The following KLF8 variants were observed in gnomAD, a reference collection of about 807,000 sequenced individuals.
The protein encoded by KLF8 is KLF transcription factor 8, also known as Krueppel-like factor 8.
In KLF8, 10 loss-of-function variants were observed where a neutral mutation model predicts 18.2. That is an observed-to-expected ratio of 0.55 (90% confidence interval 0.34 to 0.93). The LOEUF (loss-of-function observed/expected upper bound fraction) is 0.93, where lower values mean the gene tolerates loss of function less well. KLF8 is among the 40% of genes least tolerant of loss of function. KLF8 has a pLI of 0.02. For missense variants in KLF8, 264 were observed against 277.9 expected (o/e 0.95, Z 0.36); for synonymous variants, 109 against 97.3 (o/e 1.12, Z -0.71).
At chrX:55,987,329 T>C in the KLF8 span, among the ~76,000 whole-genome samples, 1 of 110,696 alleles carries the variant, frequency 9.0e-6, no homozygotes, top group Non-Finnish European at 1.9e-5. Flanking sequence ...TAGGTATATC[T>C]CCTAATGCTA....
At chrX:56,160,835 C>T in the KLF8 span, among the ~76,000 whole-genome samples, 3 of 111,321 alleles carry the variant, frequency 2.7e-5, no homozygotes, top group Non-Finnish European at 3.8e-5. Context: ...GGTCTTGACT[C>T]TTTATCCAAT....
chrX:56,239,102 C>T (rs1263910920), intron 1 of KLF8, among the ~76,000 whole-genome samples: 2 of 112,457 alleles, frequency 1.8e-5, no homozygotes, highest in Non-Finnish European at 3.8e-5. Flanking sequence ...ATCTCCTCCT[C>T]TCCCAATTAT....
the KLF8 span, among the ~76,000 whole-genome samples, chrX:55,978,534 T>G: frequency 2.0e-4 from 22 of 111,941 alleles, no homozygotes; most frequent in Admixed American, 2.1e-3. Context: ...AATTCACCCA[T>G]TTTAAGTTTG....
At chrX:56,211,637 G>A in the KLF8 span, among the ~76,000 whole-genome samples, 1 of 112,202 alleles carries the variant, frequency 8.9e-6, no homozygotes, top group Admixed American at 9.4e-5. Context: ...CCCAGGCCCC[G>A]GGTTGATCCA....
chrX:56,226,331 C>T, the KLF8 span, among the ~76,000 whole-genome samples: 1 of 112,064 alleles, frequency 8.9e-6, no homozygotes, highest in Admixed American at 9.4e-5. Flanking sequence ...CTGAGTACTA[C>T]CTATATCATT....
the KLF8 span, among the ~76,000 whole-genome samples, chrX:55,947,248 C>A: frequency 9.0e-6 from 1 of 110,547 alleles, no homozygotes; most frequent in East Asian, 2.8e-4. Flanking sequence ...AAATGTCCAA[C>A]AATGATAGAC....
At chrX:55,986,660 C>T in the KLF8 span, among the ~76,000 whole-genome samples, 1 of 112,002 alleles carries the variant, frequency 8.9e-6, no homozygotes, top group African/African-American at 3.2e-5. Flanking sequence ...AATGTTTTTT[C>T]ACGTTATTTG....
chrX:56,191,736 T>C, the KLF8 span, among the ~76,000 whole-genome samples: 1 of 111,593 alleles, frequency 9.0e-6, no homozygotes, highest in African/African-American at 3.2e-5. Flanking sequence ...TTCTTGATCA[T>C]TTCAATTGAT....
chrX:56,029,494 C>T, the KLF8 span, among the ~76,000 whole-genome samples: 2 of 110,767 alleles, frequency 1.8e-5, no homozygotes, highest in East Asian at 2.9e-4. Context: ...ATAAGGGGGC[C>T]ACTGGGGTGG....
the KLF8 span, among the ~76,000 whole-genome samples, chrX:55,991,597 C>T: frequency 9.0e-5 from 10 of 111,429 alleles, no homozygotes; most frequent in East Asian, 2.9e-4. Flanking sequence ...GTGTTGCTCA[C>T]GCTGGGACCT....
At chrX:56,183,624 C>T in the KLF8 span, among the ~76,000 whole-genome samples, 35 of 110,750 alleles carry the variant, frequency 3.2e-4, no homozygotes, top group Non-Finnish European at 6.0e-4. Flanking sequence ...ATTTACAGGC[C>T]TCATGGTAAC....
At chrX:55,912,141 C>T in the KLF8 span, among the ~76,000 whole-genome samples, 1 of 111,394 alleles carries the variant, frequency 9.0e-6, no homozygotes, top group South Asian at 3.8e-4. Flanking sequence ...CTTAGAAATG[C>T]AGATTTTCAG....
the KLF8 span, among the ~76,000 whole-genome samples, chrX:56,191,039 A>T: frequency 8.9e-6 from 1 of 111,782 alleles, no homozygotes; most frequent in Non-Finnish European, 1.9e-5. Flanking sequence ...TTTTTTGAAA[A>T]GTTAAACAAA....
chrX:56,155,226 C>A, the KLF8 span, among the ~76,000 whole-genome samples: 1 of 111,612 alleles, frequency 9.0e-6, no homozygotes, highest in African/African-American at 3.3e-5. Context: ...CAATGATAGA[C>A]TGGATTAAGA....
the KLF8 span, among the ~76,000 whole-genome samples, chrX:56,092,720 C>CT: frequency 5.8e-4 from 60 of 104,198 alleles, 1 homozygote; most frequent in East Asian, 3.5e-3. Flanking sequence ...ATGCCTCCAG[C>CT]TTTTTTTTTT....
the KLF8 span, among the ~76,000 whole-genome samples, chrX:56,166,693 A>G: frequency 6.4e-4 from 72 of 112,126 alleles, no homozygotes; most frequent in African/African-American, 2.2e-3. Context: ...TAGTGTCCCA[A>G]GATTTCCTGT....
At chrX:56,006,266 G>A in the KLF8 span, among the ~76,000 whole-genome samples, 1 of 112,106 alleles carries the variant, frequency 8.9e-6, no homozygotes, top group Non-Finnish European at 1.9e-5. Flanking sequence ...GTCTCCTGCT[G>A]CCAGGATTCC....
chrX:56,009,625 G>T, the KLF8 span, among the ~76,000 whole-genome samples: 2 of 112,062 alleles, frequency 1.8e-5, no homozygotes, highest in African/African-American at 6.5e-5. Flanking sequence ...TGAATTGACA[G>T]AAGTAGGCTT....
the KLF8 span, among the ~76,000 whole-genome samples, chrX:55,929,908 A>G: frequency 1.9e-5 from 2 of 106,515 alleles, no homozygotes; most frequent in Non-Finnish European, 3.9e-5. Flanking sequence ...TTTTTTTTTA[A>G]TTCTGTGAAG....
Sources: gnomAD v4.1 joint callset for allele counts (sites outside exome capture counted in the v4.1 genomes callset) on GRCh38, gnomAD v4.1.1 for gene constraint, MANE v1.5 for transcripts, NCBI Gene and HGNC (gene_info 2026-07-23, HGNC 2026-07-21) for gene names.